The following OSBPL10 variants were observed in gnomAD, a reference collection of about 807,000 sequenced individuals.
The protein encoded by OSBPL10 is oxysterol binding protein like 10.
A neutral mutation model predicts 81.7 loss-of-function variants in OSBPL10; 49 were observed. The ratio of observed to expected loss-of-function variants is 0.60; its 90% CI spans 0.48 to 0.76. OSBPL10 has a LOEUF of 0.76. OSBPL10 is among the 30% of genes least tolerant of loss of function. The pLI is 0.00. For missense variants in OSBPL10, 923 were observed against 987.8 expected (o/e 0.93, Z 0.88); for synonymous variants, 419 against 383.6 (o/e 1.09, Z -1.08).
At chr3:31,942,149 C>T (rs1175330094) in intron 1 of OSBPL10, among the ~76,000 whole-genome samples, 2 of 152,054 alleles carry the variant, frequency 1.3e-5, no homozygotes, top group African/African-American at 4.8e-5. Flanking sequence ...ACGGCAGGCA[C>T]CTGTAGTCCC....
intron 1 of OSBPL10, among the ~76,000 whole-genome samples, chr3:32,067,425 A>C (rs998596985): frequency 3.3e-5 from 5 of 152,156 alleles, no homozygotes; most frequent in Admixed American, 3.3e-4. Context: ...ATATTCAGGG[A>C]TCTGCATTGA....
chr3:32,069,478 A>G (rs375131439), intron 1 of OSBPL10, among the ~76,000 whole-genome samples: 5 of 152,320 alleles, frequency 3.3e-5, no homozygotes, highest in African/African-American at 1.2e-4. Flanking sequence ...TGACAAACTT[A>G]AAGAAACTAC....
intron 2 of OSBPL10, among the ~76,000 whole-genome samples, chr3:32,001,262 C>T (rs1310345247): frequency 2.0e-5 from 3 of 152,114 alleles, no homozygotes; most frequent in Admixed American, 6.6e-5. Flanking sequence ...GAGAACTTCC[C>T]GGTCTCCAAC....
At chr3:32,041,434 A>G (rs1699574275) in intron 2 of OSBPL10, among the ~76,000 whole-genome samples, 1 of 152,170 alleles carries the variant, frequency 6.6e-6, no homozygotes, top group South Asian at 2.1e-4. Flanking sequence ...CAGCAGCATC[A>G]GACTACAGGC....
At chr3:31,792,122 G>T (rs1162914315) in intron 4 of OSBPL10, among the ~76,000 whole-genome samples, 1 of 151,764 alleles carries the variant, frequency 6.6e-6, no homozygotes, top group Admixed American at 6.6e-5. Context: ...CCAGCTACTC[G>T]TGACACTGAG....
intron 3 of OSBPL10, among the ~76,000 whole-genome samples, chr3:31,846,718 C>T (rs1297748339): frequency 1.3e-5 from 2 of 151,984 alleles, no homozygotes; most frequent in African/African-American, 2.4e-5. Context: ...AAACATATAC[C>T]ACTCTCTTGA....
chr3:32,070,772 T>TA (rs1699823047), intron 1 of OSBPL10, among the ~76,000 whole-genome samples: 1 of 152,222 alleles, frequency 6.6e-6, no homozygotes, highest in East Asian at 1.9e-4. Context: ...GCCCAACCCA[T>TA]ACACTCTTTT....
intron 1 of OSBPL10, among the ~76,000 whole-genome samples, chr3:32,075,440 T>A (rs1001600850): frequency 1.3e-5 from 2 of 152,212 alleles, no homozygotes; most frequent in African/African-American, 4.8e-5. Context: ...TCCCAACTCT[T>A]AGTCCTTTAA....
intron 1 of OSBPL10, among the ~76,000 whole-genome samples, chr3:31,939,142 TC>T (rs35808253): frequency 0.48 from 62,029 of 128,768 alleles, 14,844 homozygotes; most frequent in South Asian, 0.55. Context: ...GACTCTCTCA[TC>T]CTTTTTTTTT....
At chr3:31,754,288 G>A (rs1697820140) in intron 4 of OSBPL10, among the ~76,000 whole-genome samples, 1 of 152,122 alleles carries the variant, frequency 6.6e-6, no homozygotes, top group Admixed American at 6.5e-5. Context: ...TGTTAAGCCT[G>A]TTTTAGTGAG....
chr3:31,824,387 G>A (rs1473612608), intron 4 of OSBPL10, among the ~76,000 whole-genome samples: 1 of 152,154 alleles, frequency 6.6e-6, no homozygotes, highest in African/African-American at 2.4e-5. Context: ...CTTGACGTGA[G>A]TCTCTATTGT....
At chr3:31,748,799 C>T (rs1056584981) in intron 4 of OSBPL10, among the ~76,000 whole-genome samples, 1 of 152,024 alleles carries the variant, frequency 6.6e-6, no homozygotes, top group African/African-American at 2.4e-5. Context: ...AATTCATAAG[C>T]TTATCATAAC....
intron 1 of OSBPL10, among the ~76,000 whole-genome samples, chr3:31,955,429 T>C (rs899569310): frequency 6.6e-6 from 1 of 152,204 alleles, no homozygotes; most frequent in Non-Finnish European, 1.5e-5. Context: ...CAACACTGCT[T>C]CCCTCTTGCA....
intron 4 of OSBPL10, among the ~76,000 whole-genome samples, chr3:31,789,613 C>T (rs931845280): frequency 1.3e-5 from 2 of 152,122 alleles, no homozygotes; most frequent in African/African-American, 2.4e-5. Flanking sequence ...AGGGGCACTG[C>T]CTCAAGAAAG....
intron 2 of OSBPL10, chr3:31,989,942 G>T: frequency 6.2e-7 from 1 of 1,614,168 alleles, no homozygotes; most frequent in Non-Finnish European, 8.5e-7. Context: ...CCTTACAAGT[G>T]TAATGAATGT....
chr3:31,896,753 G>A (rs1247790318), intron 1 of OSBPL10, among the ~76,000 whole-genome samples: 2 of 152,208 alleles, frequency 1.3e-5, no homozygotes, highest in African/African-American at 4.8e-5. Context: ...GAAGAATGGT[G>A]GGCCAGCCAG....
At chr3:31,994,502 A>G (rs1699068709) in intron 2 of OSBPL10, among the ~76,000 whole-genome samples, 1 of 151,590 alleles carries the variant, frequency 6.6e-6, no homozygotes. Context: ...GGATGGATGG[A>G]TGGATGGATG....
chr3:31,949,811 T>C (rs751793176), intron 1 of OSBPL10, among the ~76,000 whole-genome samples: 74 of 152,106 alleles, frequency 4.9e-4, no homozygotes, highest in South Asian at 2.5e-3. Flanking sequence ...AGAATATCTC[T>C]TTAGTTAACT....
chr3:31,757,245 CA>C (rs1366707519), intron 4 of OSBPL10, among the ~76,000 whole-genome samples: 1 of 152,080 alleles, frequency 6.6e-6, no homozygotes, highest in Non-Finnish European at 1.5e-5. Context: ...TAAAGGGAAT[CA>C]AGATAAATAA....
Sources: gnomAD v4.1 joint callset for allele counts (sites outside exome capture counted in the v4.1 genomes callset) on GRCh38, gnomAD v4.1.1 for gene constraint, MANE v1.5 for transcripts, NCBI Gene and HGNC (gene_info 2026-07-23, HGNC 2026-07-21) for gene names.